Variants in USP25 observed in about 807,000 individuals in gnomAD.
The protein encoded by USP25 is ubiquitin specific peptidase 25, also known as ubiquitin carboxyl-terminal hydrolase 25.
USP25 carries 85 observed loss-of-function variants against 158.5 expected under a neutral mutation model. That is an observed-to-expected ratio of 0.54 (90% CI 0.45 to 0.64). USP25 has a LOEUF of 0.64. Ranked by LOEUF, USP25 falls within the 30% of genes least tolerant of loss-of-function variation. USP25 has a pLI of 0.00. For missense variants in USP25, 1,242 were observed against 1,327.3 expected (o/e 0.94, Z 1.00); for synonymous variants, 464 against 460.4 (o/e 1.01, Z -0.10).
Position 15,833,362 on chromosome 21 carries a change from G to T in USP25, c.2008G>T (p.Glu670Ter). The T allele has an allele frequency of 6.2e-7, 1 of 1,612,212 alleles. No homozygotes were observed. Among genetic ancestry groups the T allele is most frequent in the Non-Finnish European group, 8.5e-7 (1 of 1,179,382 alleles). ...ATGATTTGCAGAGGAGTTTAATAAA[G>T]AAACTGGGCAGCCCCTTGTTGGTAT... Reference protein sequence around the residue: ...QFLIQEEFNKETGQPLVGIET... With the variant: ...QFLIQEEFNK The change falls in exon 17 of 26, where the codon GAA becomes TAA. Residue 670 changes from glutamate to a stop codon, truncating the protein, a stop_gained. Coordinates refer to ENST00000400183, the MANE Select transcript of USP25 (RefSeq NM_001283041.3). LOFTEE classifies it high-confidence loss of function.
chr21:15,847,208 G>T (rs1284563511), intron 18 of USP25, among the ~76,000 whole-genome samples: 1 of 152,090 alleles, frequency 6.6e-6, no homozygotes, highest in Admixed American at 6.6e-5. Flanking sequence ...TTTTGGTTGA[G>T]ATATCAAGAA....
At chr21:15,853,650 T>A (rs948506730) in intron 20 of USP25, among the ~76,000 whole-genome samples, 1 of 152,236 alleles carries the variant, frequency 6.6e-6, no homozygotes, top group African/African-American at 2.4e-5. Context: ...ATTCAAATGC[T>A]TACTGTTTAA....
intron 10 of USP25, among the ~76,000 whole-genome samples, chr21:15,823,411 C>T (rs907297337): frequency 6.6e-6 from 1 of 151,964 alleles, no homozygotes; most frequent in Non-Finnish European, 1.5e-5. Flanking sequence ...GAATTTGGCT[C>T]ATAGCAATGA....
intron 22 of USP25, among the ~76,000 whole-genome samples, chr21:15,867,976 A>G (rs557430738): frequency 6.6e-6 from 1 of 152,154 alleles, no homozygotes; most frequent in African/African-American, 2.4e-5. Flanking sequence ...AAATTCCAGC[A>G]AGATGTTTTA....
intron 20 of USP25, among the ~76,000 whole-genome samples, chr21:15,863,475 T>C (rs1297500251): frequency 1.3e-5 from 2 of 152,202 alleles, no homozygotes; most frequent in African/African-American, 4.8e-5. Context: ...ATTGCAATAA[T>C]ACGACTATGC....
intron 18 of USP25, 138 bp downstream of exon 18, chr21:15,842,678 T>A: frequency 9.7e-7 from 1 of 1,030,796 alleles, no homozygotes; most frequent in Non-Finnish European, 1.4e-6. Flanking sequence ...TCAGTGACCA[T>A]GGGCAAGTCA....
intron 1 of USP25, among the ~76,000 whole-genome samples, chr21:15,751,059 G>A (rs987178074): frequency 1.3e-5 from 2 of 152,314 alleles, no homozygotes; most frequent in Middle Eastern, 3.4e-3. Flanking sequence ...GTGTAAAGAA[G>A]TATTGACTAG....
At chr21:15,838,102 T>A (rs2146422793) in intron 17 of USP25, among the ~76,000 whole-genome samples, 1 of 152,056 alleles carries the variant, frequency 6.6e-6, no homozygotes, top group East Asian at 1.9e-4. Context: ...GATTTTTTTG[T>A]ATTTTAGTAG....
rs2037507098 is a variant in USP25, at chr21:15,826,428, G to A, written c.1466+63G>A. 3.2e-6 allele frequency: 5 copies of A among 1,560,300 alleles called. No individual in the cohort carries two copies. Among genetic ancestry groups the A allele is most frequent in the Middle Eastern group, 1.7e-4 (1 of 5,876 alleles). ...TTTATTACACAATAATGTAACTGCT[G>A]CCTTTAAAGACAGTTTCTATAAAAT... On this transcript the variant is annotated intron_variant, in intron 13 of 25. Transcript: ENST00000400183. The surrounding 1 kb of genome is among the most constrained non-coding windows in gnomAD (Gnocchi z 4.8).
chr21:15,773,872 G>A (rs905162243), intron 3 of USP25, among the ~76,000 whole-genome samples: 5 of 152,128 alleles, frequency 3.3e-5, no homozygotes, highest in Non-Finnish European at 7.4e-5. Context: ...AGAAGATTAC[G>A]TTGCTTTACA....
At chr21:15,793,431 C>G (rs1213604416) in intron 5 of USP25, among the ~76,000 whole-genome samples, 1 of 99,486 alleles carries the variant, frequency 1.0e-5, no homozygotes, top group Non-Finnish European at 1.8e-5. Context: ...CTTAGCTTTT[C>G]TAGCTTTTCT....
chr21:15,812,476 G>A (rs1368734265), intron 9 of USP25, among the ~76,000 whole-genome samples: 2 of 152,000 alleles, frequency 1.3e-5, no homozygotes, highest in Non-Finnish European at 1.5e-5. Context: ...GTGAAACCCT[G>A]TCTCTACTAA....
chr21:15,735,976 G>T (rs930278254), intron 1 of USP25, among the ~76,000 whole-genome samples: 1 of 145,934 alleles, frequency 6.9e-6, no homozygotes, highest in Non-Finnish European at 1.5e-5. Flanking sequence ...GTGTGTGTGT[G>T]TGTGTATGTG....
At chr21:15,831,196 A>G (rs1184215128) in intron 15 of USP25, among the ~76,000 whole-genome samples, 1 of 152,026 alleles carries the variant, frequency 6.6e-6, no homozygotes, top group African/African-American at 2.4e-5. Flanking sequence ...TCAACTTTGC[A>G]TATCTTTAGC....
At chr21:15,852,240 T>C (rs2038922409) in intron 20 of USP25, among the ~76,000 whole-genome samples, 1 of 152,102 alleles carries the variant, frequency 6.6e-6, no homozygotes. Flanking sequence ...CTTACTATCA[T>C]CATACTCCCT....
At chr21:15,756,247 C>G (rs1228359960) in intron 1 of USP25, among the ~76,000 whole-genome samples, 3 of 152,210 alleles carry the variant, frequency 2.0e-5, no homozygotes, top group South Asian at 2.1e-4. Flanking sequence ...ATGAACGTCC[C>G]TCAGTCAGAT....
chr21:15,864,148 C>CT lies in USP25; in HGVS notation c.2548-117dup, dbSNP rs577621447. The CT allele has an allele frequency of 3.0e-3, 2,972 of 982,322 alleles. 7 individuals are homozygous for CT. Among genetic ancestry groups the CT allele is most frequent in the Non-Finnish European group, 3.7e-3 (2,623 of 716,650 alleles). 60.9% of individuals were successfully genotyped at this position (982,322 alleles called of 1,614,324 possible). On this transcript the variant is annotated intron_variant, in intron 20 of 25. Transcript: ENST00000400183. ...TAGTTGTACTGCCTTGTTTGTGATACTTTAAAAGCCAAAAAAAAAAAAAAG... is the reference window on the plus strand; with the variant it reads ...TAGTTGTACTGCCTTGTTTGTGATACTTTTAAAAGCCAAAAAAAAAAAAAAG...
At chr21:15,867,323 T>C (rs1413706936) in intron 22 of USP25, among the ~76,000 whole-genome samples, 1 of 152,072 alleles carries the variant, frequency 6.6e-6, no homozygotes, top group Non-Finnish European at 1.5e-5. Flanking sequence ...TTAGATTCCC[T>C]AAATAATTAG....
chr21:15,794,363 A>T (rs1324173620), intron 5 of USP25, among the ~76,000 whole-genome samples: 1 of 151,690 alleles, frequency 6.6e-6, no homozygotes, highest in Non-Finnish European at 1.5e-5. Context: ...TGCTGGCAAC[A>T]TTAGCCTGTC....
Sources: allele counts gnomAD v4.1 joint callset (sites outside exome capture counted in the v4.1 genomes callset), GRCh38; gene constraint gnomAD v4.1.1; non-coding constraint Gnocchi (gnomAD v3.1); transcripts MANE v1.5; gene names NCBI Gene and HGNC (gene_info 2026-07-23, HGNC 2026-07-21).